Variants in MTUS2 observed in about 807,000 individuals in gnomAD.
MTUS2 encodes microtubule-associated tumor suppressor candidate 2.
In MTUS2, 40 loss-of-function variants were observed where a neutral mutation model predicts 114.1. That is an observed-to-expected ratio of 0.35 (90% CI 0.27 to 0.46). The LOEUF is 0.46. Among genes scored for constraint, MTUS2 ranks in the 20% least tolerant of loss-of-function variants. The pLI, the probability that MTUS2 is intolerant of heterozygous loss-of-function variation, is 1.00. For synonymous variants in MTUS2, 688 were observed against 672.0 expected (o/e 1.02, Z -0.37); for missense variants, 1,679 against 1,705.4 (o/e 0.98, Z 0.27).
At chr13:28,899,020 A>T (rs1566207325) in intron 2 of MTUS2, among the ~76,000 whole-genome samples, 1 of 152,174 alleles carries the variant, frequency 6.6e-6, no homozygotes, top group East Asian at 1.9e-4. Context: ...ACCACAAACC[A>T]CGCTGGCTTG....
chr13:29,462,708 A>G (rs1259525133), intron 9 of MTUS2, among the ~76,000 whole-genome samples: 2 of 152,132 alleles, frequency 1.3e-5, no homozygotes, highest in African/African-American at 2.4e-5. Flanking sequence ...TAGCTAGAGG[A>G]CATCATAGGA....
intron 6 of MTUS2, among the ~76,000 whole-genome samples, chr13:29,322,863 G>A (rs922300507): frequency 1.3e-5 from 2 of 152,202 alleles, no homozygotes; most frequent in African/African-American, 4.8e-5. Context: ...CAGTATGGCT[G>A]TGAGGTCATC....
Position 29,043,891 on chromosome 13 carries a change from A to G in MTUS2, c.2446+9766A>G, listed in dbSNP as rs538234427. ...AAGAATCTTACAAAAGCATATTTCT[A>G]TGTCTCTCCTGGCATTTGTGCTATT... On this transcript the variant is annotated intron_variant, in intron 4 of 15. Transcript: ENST00000612955. Among the ~76,000 whole-genome samples, 47 of 152,034 alleles carry G rather than the reference A, an allele frequency of 3.1e-4. 1 individual carries two copies. Among genetic ancestry groups the G allele is most frequent in the South Asian group, 2.7e-3 (13 of 4,816 alleles).
intron 5 of MTUS2, among the ~76,000 whole-genome samples, chr13:29,143,697 G>C (rs993675971): frequency 2.0e-5 from 3 of 152,214 alleles, no homozygotes; most frequent in Admixed American, 6.5e-5. Context: ...TTGGAGAAAA[G>C]TAGCTAGCTC....
At chr13:29,167,376 G>GA (rs932435176) in intron 5 of MTUS2, among the ~76,000 whole-genome samples, 98 of 141,196 alleles carry the variant, frequency 6.9e-4, no homozygotes, top group South Asian at 1.1e-3. Context: ...CTCTATCTCA[G>GA]AAAAAAAAAA....
chr13:28,881,570 T>C (rs1221113347), intron 2 of MTUS2, among the ~76,000 whole-genome samples: 1 of 152,200 alleles, frequency 6.6e-6, no homozygotes, highest in East Asian at 1.9e-4. Context: ...TCCAAAGGGG[T>C]TGTACTAATT....
At chr13:28,956,882 G>GTGTGA (rs932413173) in intron 2 of MTUS2, among the ~76,000 whole-genome samples, 3 of 151,682 alleles carry the variant, frequency 2.0e-5, no homozygotes, top group African/African-American at 4.8e-5. Flanking sequence ...TGGAAAGAAA[G>GTGTGA]TGTGATGGCG....
At chr13:28,866,386 A>G (rs1401890631) in intron 2 of MTUS2, among the ~76,000 whole-genome samples, 1 of 152,212 alleles carries the variant, frequency 6.6e-6, no homozygotes, top group Non-Finnish European at 1.5e-5. Context: ...AAATGCTTAT[A>G]CAGGTGTCCA....
At chr13:28,915,634 A>G in intron 2 of MTUS2, among the ~76,000 whole-genome samples, 1 of 151,814 alleles carries the variant, frequency 6.6e-6, no homozygotes, top group Non-Finnish European at 1.5e-5. Context: ...TGCCCATTTT[A>G]AAATCAGATT....
intron 5 of MTUS2, among the ~76,000 whole-genome samples, chr13:29,109,796 G>A (rs903917423): frequency 1.3e-5 from 2 of 152,152 alleles, no homozygotes; most frequent in African/African-American, 4.8e-5. Flanking sequence ...GTTAAAAGAT[G>A]ACCATGATGG....
At chr13:28,894,122 C>G (rs1012747444) in intron 2 of MTUS2, among the ~76,000 whole-genome samples, 5 of 151,604 alleles carry the variant, frequency 3.3e-5, no homozygotes, top group Admixed American at 6.6e-5. Context: ...TGTACCCACT[C>G]CACCTTCACC....
intron 4 of MTUS2, among the ~76,000 whole-genome samples, chr13:29,080,563 AAGCATCCAGC>A (rs1889395751): frequency 6.6e-6 from 1 of 152,178 alleles, no homozygotes; most frequent in Non-Finnish European, 1.5e-5. Context: ...CGAGGGCAGG[AAGCATCCAGC>A]ACAAATGTAG....
rs1368960345 is a variant in MTUS2, at chr13:29,503,142, C to T, written c.4046C>T (p.Pro1349Leu). The T allele has an allele frequency of 6.2e-7, 1 of 1,614,122 alleles. No individual in the cohort carries two copies. Among genetic ancestry groups the T allele is most frequent in the Non-Finnish European group, 8.5e-7 (1 of 1,180,048 alleles). Residue 1349 changes from proline to leucine, a missense_variant, in exon 16 of 16, where the codon CCC becomes CTC. By Grantham distance (98) the Pro-to-Leu change is moderately conservative (BLOSUM62 -3). Transcript: ENST00000612955. ...TSPIKLSPTS[P>L]VYRGSSSGPS... ...CCGATTAAACTCTCGCCCACATCTC[C>T]CGTTTACCGCGGCTCCTCCTCGGGG...
At chr13:29,310,016 T>C (rs936000424) in intron 6 of MTUS2, among the ~76,000 whole-genome samples, 1 of 152,224 alleles carries the variant, frequency 6.6e-6, no homozygotes, top group African/African-American at 2.4e-5. Flanking sequence ...ATCCTATTTA[T>C]TCTATCTAAC....
chr13:29,472,429 GT>G (rs1419616504), intron 9 of MTUS2, among the ~76,000 whole-genome samples: 1 of 152,190 alleles, frequency 6.6e-6, no homozygotes, highest in Non-Finnish European at 1.5e-5. Context: ...AGGGTAGTGT[GT>G]CCGGGATCCC....
chr13:29,367,505 A>C (rs1298008282), intron 8 of MTUS2, among the ~76,000 whole-genome samples: 1 of 152,170 alleles, frequency 6.6e-6, no homozygotes, highest in Admixed American at 6.5e-5. Flanking sequence ...TTTTAGGAAG[A>C]TTAACGCAGT....
chr13:29,449,346 C>T (rs1434087002), intron 9 of MTUS2, among the ~76,000 whole-genome samples: 1 of 152,164 alleles, frequency 6.6e-6, no homozygotes. Flanking sequence ...CACACATACA[C>T]ACACATACAG....
At chr13:29,369,008 C>T (rs1870974265) in intron 8 of MTUS2, among the ~76,000 whole-genome samples, 1 of 151,692 alleles carries the variant, frequency 6.6e-6, no homozygotes, top group African/African-American at 2.4e-5. Flanking sequence ...GAGAATCCCA[C>T]CTCTCAGAAG....
intron 5 of MTUS2, among the ~76,000 whole-genome samples, chr13:29,132,058 G>C (rs1331445378): frequency 6.6e-6 from 1 of 152,222 alleles, no homozygotes; most frequent in East Asian, 1.9e-4. Flanking sequence ...AAGTAGTACA[G>C]CCAGGTTTCA....
Sources: gnomAD v4.1 joint callset for allele counts (sites outside exome capture counted in the v4.1 genomes callset) on GRCh38, gnomAD v4.1.1 for gene constraint, MANE v1.5 for transcripts, NCBI Gene and HGNC (gene_info 2026-07-23, HGNC 2026-07-21) for gene names.